Variants in HDAC9 observed in about 807,000 individuals in gnomAD.
HDAC9 encodes histone deacetylase 9, also known as MEF-2 interacting transcription repressor (MITR) protein.
HDAC9 carries 41 observed loss-of-function variants against 139.4 expected under a neutral mutation model. The observed-to-expected ratio is 0.29, with a 90% CI of 0.23 to 0.38. The LOEUF is 0.38. Among genes scored for constraint, HDAC9 ranks in the 10% least tolerant of loss-of-function variants. HDAC9 has a pLI of 1.00. For missense variants in HDAC9, 1,147 were observed against 1,297.0 expected (o/e 0.88, Z 1.78); for synonymous variants, 517 against 476.2 (o/e 1.09, Z -1.12).
intron 1 of HDAC9, among the ~76,000 whole-genome samples, chr7:18,394,021 T>C (rs1786793021): frequency 6.6e-6 from 1 of 152,184 alleles, no homozygotes; most frequent in African/African-American, 2.4e-5. Flanking sequence ...AGCTAGACTT[T>C]TTTGGTTCCA....
At chr7:18,915,686 G>C (rs1190945023) in intron 22 of HDAC9, among the ~76,000 whole-genome samples, 2 of 149,644 alleles carry the variant, frequency 1.3e-5, no homozygotes, top group Admixed American at 1.3e-4. Context: ...AAGCGACCCC[G>C]CATGTGTTCT....
intron 22 of HDAC9, among the ~76,000 whole-genome samples, chr7:18,904,759 T>A (rs1331689352): frequency 4.6e-5 from 7 of 151,830 alleles, no homozygotes; most frequent in Admixed American, 3.3e-4. Context: ...GTATTTTTAG[T>A]AGAGACGAGG....
intron 2 of HDAC9, among the ~76,000 whole-genome samples, chr7:18,581,728 A>T (rs1442314538): frequency 1.3e-5 from 2 of 152,200 alleles, no homozygotes; most frequent in Non-Finnish European, 1.5e-5. Context: ...AATTATGCCA[A>T]GTCTTTTAGT....
chr7:18,094,633 T>A (rs899021230), intron 1 of HDAC9, among the ~76,000 whole-genome samples: 10 of 152,166 alleles, frequency 6.6e-5, no homozygotes, highest in Admixed American at 5.9e-4. Flanking sequence ...TTTTTAAACA[T>A]TTTTTGTGGA....
chr7:18,824,885 GAT>G (rs1562967107), intron 17 of HDAC9, among the ~76,000 whole-genome samples: 1 of 151,310 alleles, frequency 6.6e-6, no homozygotes, highest in Non-Finnish European at 1.5e-5. Context: ...AATGCATTCA[GAT>G]ATAACTGCAT....
chr7:18,536,215 T>C (rs1431363521), intron 2 of HDAC9, among the ~76,000 whole-genome samples: 1 of 152,182 alleles, frequency 6.6e-6, no homozygotes, highest in Non-Finnish European at 1.5e-5. Flanking sequence ...AAGTATGTGT[T>C]GTGCACTGGT....
At chr7:18,967,647 G>A (rs141821770) in intron 24 of HDAC9, among the ~76,000 whole-genome samples, 529 of 152,198 alleles carry the variant, frequency 3.5e-3, no homozygotes, top group African/African-American at 0.012. Context: ...GAGCAGGAAT[G>A]TACTTAGCAT....
intron 12 of HDAC9, among the ~76,000 whole-genome samples, chr7:18,709,075 TTTTTTTTTC>T (rs955756181): frequency 2.0e-5 from 3 of 151,830 alleles, no homozygotes; most frequent in African/African-American, 7.3e-5. Flanking sequence ...TTTGTTTCTT[TTTTTTTTTC>T]TTTTTTTCTT....
intron 2 of HDAC9, among the ~76,000 whole-genome samples, chr7:18,190,616 T>G (rs544510124): frequency 6.6e-6 from 1 of 152,188 alleles, no homozygotes; most frequent in East Asian, 1.9e-4. Context: ...GACCAGAAAA[T>G]AAGTTGGAGT....
At chr7:18,570,682 AT>A (rs1175952267) in intron 2 of HDAC9, among the ~76,000 whole-genome samples, 1 of 152,070 alleles carries the variant, frequency 6.6e-6, no homozygotes, top group East Asian at 1.9e-4. Context: ...TGTGGCCTCC[AT>A]TTTCCTCATT....
chr7:18,268,790 C>A (rs1796163016), intron 2 of HDAC9, among the ~76,000 whole-genome samples: 1 of 152,112 alleles, frequency 6.6e-6, no homozygotes, highest in Non-Finnish European at 1.5e-5. Flanking sequence ...TGATGGGCTA[C>A]TTTGACTTCT....
At chr7:18,338,768 A>T (rs1198676306) in intron 1 of HDAC9, among the ~76,000 whole-genome samples, 1 of 151,450 alleles carries the variant, frequency 6.6e-6, no homozygotes, top group Non-Finnish European at 1.5e-5. Flanking sequence ...GGTAATTCTG[A>T]TCCCATATAA....
At chr7:18,703,229 G>A (rs1016592818) in intron 12 of HDAC9, among the ~76,000 whole-genome samples, 4 of 151,136 alleles carry the variant, frequency 2.6e-5, no homozygotes, top group Non-Finnish European at 5.9e-5. Context: ...ACAATACTTT[G>A]AATGTTTCAT....
chr7:18,356,029 A>G (rs1028253889), intron 1 of HDAC9, among the ~76,000 whole-genome samples: 7 of 152,148 alleles, frequency 4.6e-5, no homozygotes, highest in African/African-American at 1.7e-4. Context: ...GAACTTTGAA[A>G]TCATTGAATT....
chr7:18,352,928 G>C (rs563374824), intron 1 of HDAC9, among the ~76,000 whole-genome samples: 1 of 151,966 alleles, frequency 6.6e-6, no homozygotes, highest in African/African-American at 2.4e-5. Flanking sequence ...TCAGCTCGGC[G>C]GCCAGCAAAA....
Position 18,701,706 on chromosome 7 carries a change from A to G in HDAC9, c.1732-25874A>G, listed in dbSNP as rs146691667. 2.3e-3 allele frequency among the ~76,000 whole-genome samples: 354 copies of G among 152,370 alleles called. 2 individuals carry two copies. The highest frequency in any genetic ancestry group is 8.2e-3 in the African/African-American group (343 of 41,598). On this transcript the variant is annotated intron_variant, in intron 12 of 25. Transcript: ENST00000686413. ...GTAGATAAAATCATCTGTCAATGTC[A>G]TGCCTAATTCACACATGAAGTGAAC...
At chr7:18,819,790 A>G (rs977885155) in intron 17 of HDAC9, among the ~76,000 whole-genome samples, 1 of 152,224 alleles carries the variant, frequency 6.6e-6, no homozygotes, top group Non-Finnish European at 1.5e-5. Flanking sequence ...CCTGAAGAGA[A>G]AGTAAAACTT....
intron 11 of HDAC9, among the ~76,000 whole-genome samples, chr7:18,660,056 A>C (rs1792641652): frequency 6.6e-6 from 1 of 152,180 alleles, no homozygotes; most frequent in Admixed American, 6.5e-5. Context: ...AACAAATTCC[A>C]AATACTCATT....
chr7:18,914,233 G>T (rs1802992739), intron 22 of HDAC9, among the ~76,000 whole-genome samples: 2 of 151,454 alleles, frequency 1.3e-5, no homozygotes, highest in Non-Finnish European at 2.9e-5. Context: ...GCTTGATCTT[G>T]AACTTCCCAC....
Sources: gnomAD v4.1 joint callset for allele counts (sites outside exome capture counted in the v4.1 genomes callset) on GRCh38, gnomAD v4.1.1 for gene constraint, MANE v1.5 for transcripts, NCBI Gene and HGNC (gene_info 2026-07-23, HGNC 2026-07-21) for gene names.